IL1RN: variants seen among roughly 807,000 people sequenced by gnomAD.
IL1RN encodes the protein interleukin-1 receptor antagonist protein.
IL1RN carries 10 observed loss-of-function variants against 13.7 expected under a neutral mutation model. The observed-to-expected ratio is 0.73, with a 90% CI of 0.45 to 1.24. The LOEUF (loss-of-function observed/expected upper bound fraction) is 1.24, where lower values mean the gene tolerates loss of function less well. IL1RN is among the 50% of genes most tolerant of loss of function. IL1RN has a pLI of 0.00. For missense variants in IL1RN, 213 were observed against 222.1 expected (o/e 0.96, Z 0.26); for synonymous variants, 102 against 82.7 (o/e 1.23, Z -1.27).
chr2:113,129,704 C>T (rs182512539), intron 2 of IL1RN, 40 bp downstream of exon 2: 26 of 1,292,858 alleles, frequency 2.0e-5, no homozygotes, highest in Middle Eastern at 1.8e-4. Flanking sequence ...GTGGGCATCA[C>T]GTCACTTTGC....
At chr2:113,123,518 T>A (rs186586231), upstream of IL1RN, among the ~76,000 whole-genome samples, 1 of 152,286 alleles carries the variant, frequency 6.6e-6, no homozygotes, top group Non-Finnish European at 1.5e-5. Flanking sequence ...TGATCTCAAG[T>A]CCTGCTAGGG....
At chr2:113,126,489 A>C (rs1038092091), upstream of IL1RN, among the ~76,000 whole-genome samples, 1 of 152,184 alleles carries the variant, frequency 6.6e-6, no homozygotes, top group African/African-American at 2.4e-5. Context: ...CTGCACCAGC[A>C]CTGTCCATCC....
intron 1 of IL1RN, chr2:113,111,231 T>C (rs1026128395): frequency 1.3e-5 from 2 of 152,212 alleles, no homozygotes; most frequent in African/African-American, 4.8e-5. Context: ...TCATTTTAAA[T>C]CTGGGAAAAC....
chr2:113,122,845 G>T (rs1280078497), upstream of IL1RN, among the ~76,000 whole-genome samples: 1 of 152,124 alleles, frequency 6.6e-6, no homozygotes, highest in Non-Finnish European at 1.5e-5. Context: ...TAGATTATGG[G>T]CTGGGCACAG....
upstream of IL1RN, among the ~76,000 whole-genome samples, chr2:113,102,339 C>T (rs2104415133): frequency 6.6e-6 from 1 of 152,286 alleles, no homozygotes; most frequent in East Asian, 1.9e-4. Context: ...TGTTAGGGCC[C>T]CACCCTTATT....
chr2:113,113,996 G>T (rs1686546250), upstream of IL1RN, among the ~76,000 whole-genome samples: 1 of 152,110 alleles, frequency 6.6e-6, no homozygotes, highest in South Asian at 2.1e-4. Flanking sequence ...GTTGCTTGTT[G>T]GCTCTTGTGG....
intron 1 of IL1RN, among the ~76,000 whole-genome samples, chr2:113,111,793 C>T (rs866924188): frequency 6.6e-6 from 1 of 152,386 alleles, no homozygotes; most frequent in African/African-American, 2.4e-5. Flanking sequence ...TGCTAGGCTT[C>T]GTGTGCACAC....
rs548934105 is a variant in IL1RN at position 113,131,133 on chromosome 2, T to C, written c.294T>C (p.Gly98=). Residue 98 remains glycine, a synonymous_variant, in exon 3 of 4, where the codon GGT becomes GGC. Coordinates refer to ENST00000409930, the MANE Select transcript of IL1RN (RefSeq NM_173842.3). ...GKMCLSCVKS[G]DETRLQLEAV... is the part of the protein sequence containing the mutation. ...TGTGCCTGTCCTGTGTCAAGTCTGG[T>C]GATGAGACCAGACTCCAGCTGGAGG... 18 of 1,610,664 alleles carry C rather than the reference T, an allele frequency of 1.1e-5. No homozygotes were observed. The highest frequency in any genetic ancestry group is 1.4e-5 in the Non-Finnish European group (17 of 1,176,984).
chr2:113,129,608 T>G lies in IL1RN; in HGVS notation c.149T>G (p.Leu50Arg), dbSNP rs1687087901. 6.2e-7 allele frequency: 1 copy of G among 1,612,830 alleles called. No individual in the cohort carries two copies. Among genetic ancestry groups the G allele is most frequent in the South Asian group, 1.1e-5 (1 of 91,064 alleles). ...GATGTTAACCAGAAGACCTTCTATC[T>G]GAGGAACAACCAACTAGTTGCTGGA... is the stretch of plus-strand genomic sequence containing the variant. Reference protein sequence around the residue: ...IWDVNQKTFYLRNNQLVAGYL... With the variant: ...IWDVNQKTFYRRNNQLVAGYL... Residue 50 changes from leucine (L) to arginine (R), a missense_variant, in exon 2 of 4, where the codon CTG (leucine) becomes CGG (arginine). Physicochemically the swap from Leu to Arg is moderately radical, Grantham distance 102. Transcript: ENST00000409930.
At chr2:113,125,018 C>T (rs1011411330), upstream of IL1RN, among the ~76,000 whole-genome samples, 6 of 152,136 alleles carry the variant, frequency 3.9e-5, no homozygotes, top group Non-Finnish European at 8.8e-5. Context: ...TTACTTGAAA[C>T]GCTGTCTGAA....
At chr2:113,119,008 G>A (rs767279946) in intron 1 of IL1RN, among the ~76,000 whole-genome samples, 12 of 152,140 alleles carry the variant, frequency 7.9e-5, no homozygotes, top group Non-Finnish European at 1.6e-4. Flanking sequence ...CTGCACTCCA[G>A]TCTGGGCAAT....
chr2:113,113,610 G>A (rs756351465), upstream of IL1RN, among the ~76,000 whole-genome samples: 29 of 151,554 alleles, frequency 1.9e-4, no homozygotes, highest in Non-Finnish European at 2.7e-4. Context: ...AATAATTAAG[G>A]GGCAGGAGGA....
chr2:113,116,195 C>T (rs1686587627), upstream of IL1RN, among the ~76,000 whole-genome samples: 1 of 152,206 alleles, frequency 6.6e-6, no homozygotes, highest in Non-Finnish European at 1.5e-5. Context: ...TGTCCTCCTC[C>T]TGTTGTCATA....
At chr2:113,130,373 C>G (rs111756631) in intron 2 of IL1RN, among the ~76,000 whole-genome samples, 1 of 152,190 alleles carries the variant, frequency 6.6e-6, no homozygotes, top group Non-Finnish European at 1.5e-5. Flanking sequence ...CACTGAAGCA[C>G]GAGGAAGCTG....
At chr2:113,101,918 T>C in the IL1RN span, among the ~76,000 whole-genome samples, 2 of 152,010 alleles carry the variant, frequency 1.3e-5, no homozygotes, top group African/African-American at 4.8e-5. Context: ...CAGGTGTGCG[T>C]TATCACACCC....
the IL1RN span, among the ~76,000 whole-genome samples, chr2:113,100,093 C>T: frequency 6.9e-6 from 1 of 144,610 alleles, no homozygotes; most frequent in African/African-American, 2.5e-5. Context: ...GAGGCCGAGG[C>T]GGGCAGATCA....
chr2:113,111,195 A>G (rs1433693597), exon 1 of IL1RN: 1 of 152,252 alleles, frequency 6.6e-6, no homozygotes, highest in Non-Finnish European at 1.5e-5. Context: ...TGAGACAAGT[A>G]AAAGGTAGGT....
chr2:113,127,339 C>A, upstream of IL1RN: 1 of 447,946 alleles, frequency 2.2e-6, no homozygotes, highest in Non-Finnish European at 2.9e-6. Flanking sequence ...TTCCATTGTG[C>A]TCTTCTTCCC....
chr2:113,133,104 C>T lies in IL1RN; in HGVS notation c.*233C>T. 1 of 592,850 alleles carries T rather than the reference C, an allele frequency of 1.7e-6. No individual in the cohort carries two copies. Among genetic ancestry groups the T allele is most frequent in the South Asian group, 1.9e-5 (1 of 52,140 alleles). 36.7% of individuals were successfully genotyped at this position (592,850 alleles called of 1,614,324 possible). ...TAATGTGTGAATCAGAGCACAGCAG[C>T]CCCTGCACAAAGCCCTTCCATGTCG... On this transcript the variant is annotated 3_prime_UTR_variant, in exon 4 of 4. Coordinates refer to ENST00000409930, the MANE Select transcript of IL1RN (RefSeq NM_173842.3).
Sources: allele counts gnomAD v4.1 joint callset (sites outside exome capture counted in the v4.1 genomes callset), GRCh38; gene constraint gnomAD v4.1.1; transcripts MANE v1.5; gene names NCBI Gene and HGNC (gene_info 2026-07-23, HGNC 2026-07-21).